SPHKAP: variants seen among roughly 807,000 people sequenced by gnomAD.
SPHKAP encodes SPHK1 interactor, AKAP domain containing.
Under a neutral mutation model 137.5 loss-of-function variants are expected in SPHKAP, and 67 were observed. That is an observed-to-expected ratio of 0.49 (90% CI 0.40 to 0.60). The LOEUF (loss-of-function observed/expected upper bound fraction) is 0.60. Among genes scored for constraint, SPHKAP ranks in the 20% least tolerant of loss-of-function variants. The probability of loss-of-function intolerance (pLI) is 0.00; values close to 1 mark genes in which losing one functional copy is unlikely to be tolerated. For missense variants in SPHKAP, 2,097 were observed against 2,069.3 expected, an observed-to-expected ratio of 1.01 and a Z score of -0.26; for synonymous variants, 813 against 785.3, an observed-to-expected ratio of 1.04 and a Z score of -0.59.
At chr2:228,100,510 A>G (rs1439554553) in intron 3 of SPHKAP, among the ~76,000 whole-genome samples, 2 of 152,086 alleles carry the variant, frequency 1.3e-5, no homozygotes, top group African/African-American at 4.8e-5. Flanking sequence ...ATTTTGAGGT[A>G]TGTTACTTTG....
intron 1 of SPHKAP, among the ~76,000 whole-genome samples, chr2:228,150,063 G>A (rs1365332117): frequency 1.3e-5 from 2 of 152,132 alleles, no homozygotes; most frequent in Non-Finnish European, 2.9e-5. Context: ...AGTTAAGGAA[G>A]TTCTTGTCTG....
chr2:228,142,113 T>C (rs1412413539), intron 1 of SPHKAP, among the ~76,000 whole-genome samples: 3 of 152,110 alleles, frequency 2.0e-5, no homozygotes, highest in Non-Finnish European at 4.4e-5. Context: ...CTCATGTTGA[T>C]CGTTTACAGT....
intron 1 of SPHKAP, among the ~76,000 whole-genome samples, chr2:228,170,539 A>G (rs1351561301): frequency 1.3e-5 from 2 of 152,144 alleles, no homozygotes; most frequent in African/African-American, 4.8e-5. Context: ...CACCCTGATT[A>G]GTTGGCAGCC....
intron 3 of SPHKAP, among the ~76,000 whole-genome samples, chr2:228,030,293 A>T (rs1185726195): frequency 1.3e-5 from 2 of 152,096 alleles, no homozygotes; most frequent in Non-Finnish European, 2.9e-5. Flanking sequence ...AGGTGGGCGG[A>T]TCAAGAGGTC....
rs143982830 is a variant in SPHKAP at position 228,129,858 on chromosome 2, G to A, written c.138+2122C>T. Among the ~76,000 whole-genome samples the A allele has an allele frequency of 7.3e-3, 1,089 of 148,268 alleles. 13 individuals carry two copies. The highest frequency in any genetic ancestry group is 0.012 in the Admixed American group (180 of 14,828). On this transcript the variant is annotated intron_variant, in intron 2 of 11. Coordinates refer to ENST00000392056, the MANE Select transcript of SPHKAP (RefSeq NM_001142644.2). ...GCCACCCAGGCTGGAGTACAATGGC[G>A]TGATCTTGGCTCACTGCAACCTCCA...
chr2:228,129,385 A>G (rs1408900791), intron 2 of SPHKAP, among the ~76,000 whole-genome samples: 1 of 152,212 alleles, frequency 6.6e-6, no homozygotes, highest in Non-Finnish European at 1.5e-5. Context: ...GTCTCACATA[A>G]TAGTTTAACT....
intron 3 of SPHKAP, among the ~76,000 whole-genome samples, chr2:228,067,539 T>C (rs1421323544): frequency 6.6e-6 from 1 of 152,184 alleles, no homozygotes; most frequent in Non-Finnish European, 1.5e-5. Context: ...ATCAGAGACA[T>C]CTGTCATATA....
chr2:228,087,117 A>G (rs951527740), intron 3 of SPHKAP, among the ~76,000 whole-genome samples: 5 of 152,200 alleles, frequency 3.3e-5, no homozygotes, highest in African/African-American at 1.2e-4. Flanking sequence ...TGGAGGAAAG[A>G]CAGTCAAAGA....
intron 2 of SPHKAP, among the ~76,000 whole-genome samples, chr2:228,113,620 TCTC>T (rs2106353790): frequency 7.2e-6 from 1 of 139,776 alleles, no homozygotes; most frequent in East Asian, 2.0e-4. Flanking sequence ...TCTCTCTCTC[TCTC>T]TCTCTCTCTC....
intron 3 of SPHKAP, among the ~76,000 whole-genome samples, chr2:228,071,913 T>G (rs1697017163): frequency 6.6e-6 from 1 of 152,188 alleles, no homozygotes; most frequent in Admixed American, 6.5e-5. Flanking sequence ...AGATAGCTGG[T>G]TAAACATTAT....
At chr2:228,026,129 C>T (rs1257432372) in intron 4 of SPHKAP, among the ~76,000 whole-genome samples, 2 of 152,182 alleles carry the variant, frequency 1.3e-5, no homozygotes, top group Admixed American at 6.5e-5. Context: ...TGACTTGCTC[C>T]TCCTTGCCTT....
chr2:228,138,914 G>GGTGAAAACATTTTATTACA (rs6147212), intron 1 of SPHKAP, among the ~76,000 whole-genome samples: 1 of 151,898 alleles, frequency 6.6e-6, no homozygotes, highest in Non-Finnish European at 1.5e-5. Context: ...AGAAAAGATG[G>GGTGAAAACATTTTATTACA]GCTTTTTGTC....
At chr2:228,032,197 G>GC (rs1695357547) in intron 3 of SPHKAP, among the ~76,000 whole-genome samples, 1 of 152,190 alleles carries the variant, frequency 6.6e-6, no homozygotes, top group Admixed American at 6.5e-5. Flanking sequence ...AGGAGCTGAT[G>GC]GAGCTGAAAG....
intron 1 of SPHKAP, among the ~76,000 whole-genome samples, chr2:228,133,355 T>C (rs1012899624): frequency 2.0e-5 from 3 of 151,190 alleles, no homozygotes; most frequent in Non-Finnish European, 2.9e-5. Flanking sequence ...ATAAATTACT[T>C]CTACATTTTC....
chr2:228,054,805 TA>T (rs1297164010), intron 3 of SPHKAP, among the ~76,000 whole-genome samples: 1 of 152,016 alleles, frequency 6.6e-6, no homozygotes, highest in African/African-American at 2.4e-5. Context: ...TTGGGACGGT[TA>T]ATTAGTATAC....
rs191766692 is a variant in SPHKAP at position 228,096,511 on chromosome 2, A to C, written c.246+12321T>G. Among the ~76,000 whole-genome samples the C allele has an allele frequency of 4.9e-4, 74 of 152,082 alleles. 1 individual carries two copies. The highest frequency in any genetic ancestry group is 1.7e-3 in the African/African-American group (69 of 41,480). ...CAAGTCCCACAGTTGGCCTGGGAGG[A>C]ACTTGCCCATACGAAAACTGCATCC... On this transcript the variant is annotated intron_variant, in intron 3 of 11. Coordinates refer to ENST00000392056, the MANE Select transcript of SPHKAP (RefSeq NM_001142644.2).
chr2:228,036,317 G>T (rs1164353337), intron 3 of SPHKAP, among the ~76,000 whole-genome samples: 82 of 152,244 alleles, frequency 5.4e-4, no homozygotes, highest in Admixed American at 2.1e-3. Flanking sequence ...GAAATGCAAA[G>T]CAAAACCACG....
chr2:227,986,232 G>GT (rs1284025121), intron 11 of SPHKAP, among the ~76,000 whole-genome samples: 1 of 152,088 alleles, frequency 6.6e-6, no homozygotes, highest in Non-Finnish European at 1.5e-5. Flanking sequence ...CTTAACTGTA[G>GT]TTTTTTTGTC....
At chr2:228,130,610 A>C (rs1269977195) in intron 2 of SPHKAP, among the ~76,000 whole-genome samples, 3 of 152,200 alleles carry the variant, frequency 2.0e-5, no homozygotes. Flanking sequence ...GTATTTTAAA[A>C]AATTAGAATA....
Sources: gnomAD v4.1 joint callset for allele counts (sites outside exome capture counted in the v4.1 genomes callset) on GRCh38, gnomAD v4.1.1 for gene constraint, MANE v1.5 for transcripts, NCBI Gene and HGNC (gene_info 2026-07-23, HGNC 2026-07-21) for gene names.